USP17L3: variants seen among roughly 807,000 people sequenced by gnomAD.
USP17L3 encodes ubiquitin carboxyl-terminal hydrolase 17-like protein 3.
Position 7,976,897 on chromosome 8 carries a change from C to A in USP17L3, c.1089G>T (p.Leu363=), listed in dbSNP as rs1465110837. Residue 363 remains leucine, a synonymous_variant, in exon 1 of 1, where the codon CTG becomes CTT. Transcript: ENST00000530484. ...EVTVCSITSV[L]SQQAYVLFYI... ...AAAAGAGGACATAGGCCTGTTGACT[C>A]AGGACAGAAGTGATGCTACAGACAG... 1 of 150,176 alleles carries A rather than the reference C, an allele frequency of 6.7e-6. No homozygotes were observed. Among genetic ancestry groups the A allele is most frequent in the South Asian group, 8.2e-5 (1 of 12,226 alleles). 9.3% of individuals were successfully genotyped at this position (150,176 alleles called of 1,614,324 possible).
rs1208074216 is a variant in USP17L3, at chr8:7,977,587, T to A, written c.399A>T (p.Thr133=). 9.9e-6 allele frequency: 1 copy of A among 100,760 alleles called. No homozygotes were observed. The highest frequency in any genetic ancestry group is 2.8e-5 in the African/African-American group (1 of 35,230). 6.2% of individuals were successfully genotyped at this position (100,760 alleles called of 1,614,324 possible). A position where few individuals can be genotyped will look rare whatever the true frequency, so the allele number is the denominator to read the frequency against. Residue 133 remains threonine, a synonymous_variant, in exon 1 of 1, where the codon ACA becomes ACT. Coordinates refer to ENST00000530484, the MANE Select transcript of USP17L3 (RefSeq NM_001256871.1). The stretch of plus-strand genomic sequence containing the variant: ...CATGGCCAGGACTGTGGAGGGCCCA[T>A]GTGATGTGAGCTTGCATAGTACAGA... ...CMLCTMQAHI[T]WALHSPGHVI...
rs1820660081 is a variant in USP17L3, at chr8:7,976,940, A to G, written c.1046T>C (p.Met349Thr). The G allele has an allele frequency of 1.3e-5, 2 of 155,776 alleles. 1 individual carries two copies. The allele number at this position is 155,776 out of a possible 1,614,324, so 9.6% of individuals were successfully genotyped here. ...ACAGACAGTGACCTCGGCATCATCC[A>G]TTTTATACCACTGGCCTTCTTGAGC... is the stretch of plus-strand genomic sequence containing the variant. ...VKAQEGQWYK[M>T]DDAEVTVCSI... The change falls in exon 1 of 1, where the codon ATG (methionine) becomes ACG (threonine). Residue 349 changes from methionine to threonine, a missense_variant. Met to Thr is a moderately conservative substitution (Grantham distance 81). Transcript: ENST00000530484.
At position 7,976,948 on chromosome 8, in the gene USP17L3, C is replaced by A. The variant is rs766105365; in HGVS notation, c.1038G>T (p.Trp346Cys). The A allele has an allele frequency of 6.5e-6, 1 of 154,566 alleles. No individual in the cohort carries two copies. Among genetic ancestry groups the A allele is most frequent in the African/African-American group, 2.2e-5 (1 of 44,586 alleles). The allele number at this position is 154,566 out of a possible 1,614,324, so 9.6% of individuals were successfully genotyped here. ...TGACCTCGGCATCATCCATTTTATA[C>A]CACTGGCCTTCTTGAGCTTTGACAT... ...FSYVKAQEGQ[W>C]YKMDDAEVTV... The change falls in exon 1 of 1, where the codon TGG becomes TGT. Residue 346 changes from tryptophan to cysteine, a missense_variant. Physicochemically the swap from Trp to Cys is radical, Grantham distance 215. Transcript: ENST00000530484.
In USP17L3 at chr8:7,976,470, C is replaced by T. The variant is rs776818816; in HGVS notation, c.1516G>A (p.Ala506Thr). The T allele has an allele frequency of 5.1e-4, 66 of 129,158 alleles. 21 individuals are homozygous for T. The highest frequency in any genetic ancestry group is 1.3e-3 in the African/African-American group (55 of 41,274). The allele number at this position is 129,158 out of a possible 1,614,324, so 8.0% of individuals were successfully genotyped here. Residue 506 changes from alanine (A) to threonine (T), a missense_variant, in exon 1 of 1, where the codon GCT becomes ACT. By Grantham distance (58) the Ala-to-Thr change is moderately conservative (BLOSUM62 0). Coordinates refer to ENST00000530484, the MANE Select transcript of USP17L3 (RefSeq NM_001256871.1). ...CTCCTGGTCCTCCCTTGCAGAGAAG[C>T]GAGTGTGCCAGTGTTCATGGACTCC... ...DQESMNTGTL[A>T]SLQGRTRRAK... is the part of the protein sequence containing the mutation.
rs1316764550 is a variant in USP17L3, at chr8:7,976,973, T to G, written c.1013A>C (p.Tyr338Ser). ...CCACTGGCCTTCTTGAGCTTTGACA[T>G]AAGAGAAGTAATGTCCGTCGTGACA... is the stretch of plus-strand genomic sequence containing the variant. ...WSCHDGHYFS[Y>S]VKAQEGQWYK... Residue 338 changes from tyrosine to serine, a missense_variant, in exon 1 of 1, where the codon TAT (tyrosine) becomes TCT (serine). Tyr to Ser is a moderately radical substitution (Grantham distance 144, BLOSUM62 -2). Coordinates refer to ENST00000530484, the MANE Select transcript of USP17L3 (RefSeq NM_001256871.1). The G allele has an allele frequency of 1.3e-5, 2 of 152,398 alleles. 1 individual carries two copies. The highest frequency in any genetic ancestry group is 4.5e-5 in the African/African-American group (2 of 44,100). 9.4% of individuals were successfully genotyped at this position (152,398 alleles called of 1,614,324 possible).
Position 7,976,832 on chromosome 8 carries a change from A to G in USP17L3, c.1154T>C (p.Val385Ala), listed in dbSNP as rs1432240220. 9.6e-6 allele frequency: 1 copy of G among 103,860 alleles called. No homozygotes were observed. Among genetic ancestry groups the G allele is most frequent in the African/African-American group, 2.8e-5 (1 of 36,166 alleles). 6.4% of individuals were successfully genotyped at this position (103,860 alleles called of 1,614,324 possible). A position where few individuals can be genotyped will look rare whatever the true frequency, so the allele number is the denominator to read the frequency against. Reference protein sequence around the residue: ...KSEWERHSESVSRGREPRALG... With the variant: ...KSEWERHSESASRGREPRALG... ...GGCTCTTGGTTCCCTGCCTCTTGAC[A>G]CACTCTCACTGTGTCTTTCCCATTC... The change falls in exon 1 of 1, where the codon GTG becomes GCG. Residue 385 changes from valine (V) to alanine (A), a missense_variant. Coordinates refer to ENST00000530484, the MANE Select transcript of USP17L3 (RefSeq NM_001256871.1).
In USP17L3 at chr8:7,976,403, A is replaced by G; in HGVS notation, c.1583T>C (p.Val528Ala). ...ACACTTCCACTGAGATCACTGGCAC[A>G]CAAGCAGAGCCCTCTTGCTGTGTTT... ...KNKHSKRALL[V>A]CQ Residue 528 changes from valine (V) to alanine (A), a missense_variant, in exon 1 of 1, where the codon GTG (valine) becomes GCG (alanine). Coordinates refer to ENST00000530484, the MANE Select transcript of USP17L3 (RefSeq NM_001256871.1). The G allele has an allele frequency of 6.2e-6, 1 of 162,072 alleles. No individual in the cohort carries two copies. The allele number at this position is 162,072 out of a possible 1,614,324, so 10.0% of individuals were successfully genotyped here.
Position 7,976,900 on chromosome 8 carries a change from G to A in USP17L3, c.1086C>T (p.Val362=), listed in dbSNP as rs1820659160. 2 of 151,382 alleles carry A rather than the reference G, an allele frequency of 1.3e-5. 1 individual carries two copies. Among genetic ancestry groups the A allele is most frequent in the South Asian group, 1.6e-4 (2 of 12,288 alleles). 9.4% of individuals were successfully genotyped at this position (151,382 alleles called of 1,614,324 possible). A position where few individuals can be genotyped will look rare whatever the true frequency, so the allele number is the denominator to read the frequency against. ...AEVTVCSITS[V]LSQQAYVLFY... ...AGAGGACATAGGCCTGTTGACTCAG[G>A]ACAGAAGTGATGCTACAGACAGTGA... Residue 362 remains valine (V), a synonymous_variant, in exon 1 of 1, where the codon GTC becomes GTT. Transcript: ENST00000530484.
In USP17L3 at chr8:7,976,437, C is replaced by G. The variant is rs1215746228; in HGVS notation, c.1549G>C (p.Gly517Arg). Reference sequence around the variant, plus strand: ...GCCCTCTTGCTGTGTTTGTTCTTCCCTTTGGCTCTCCTGGTCCTCCCTTGC... The same window carrying G: ...GCCCTCTTGCTGTGTTTGTTCTTCCGTTTGGCTCTCCTGGTCCTCCCTTGC... ...SLQGRTRRAK[G>R]KNKHSKRALL... Residue 517 changes from glycine to arginine, a missense_variant, in exon 1 of 1, where the codon GGG (glycine) becomes CGG (arginine). Gly to Arg is a moderately radical substitution (Grantham distance 125). Coordinates refer to ENST00000530484, the MANE Select transcript of USP17L3 (RefSeq NM_001256871.1). 6.6e-6 allele frequency: 1 copy of G among 151,880 alleles called. No homozygotes were observed. The highest frequency in any genetic ancestry group is 2.3e-5 in the African/African-American group (1 of 44,110). The allele number at this position is 151,880 out of a possible 1,614,324, so 9.4% of individuals were successfully genotyped here. A position where few individuals can be genotyped will look rare whatever the true frequency, so the allele number is the denominator to read the frequency against.
Sources: gnomAD v4.1 joint callset for allele counts on GRCh38, gnomAD v4.1.1 for gene constraint, MANE v1.5 for transcripts, NCBI Gene and HGNC (gene_info 2026-07-23, HGNC 2026-07-21) for gene names.